The following CORIN variants were observed in gnomAD, a reference collection of about 807,000 sequenced individuals.
CORIN encodes the protein atrial natriuretic peptide-converting enzyme.
A neutral mutation model predicts 125.3 loss-of-function variants in CORIN; 117 were observed. The ratio of observed to expected loss-of-function variants is 0.93; its 90% CI spans 0.80 to 1.09. The LOEUF (loss-of-function observed/expected upper bound fraction) is 1.09, where lower values mean the gene tolerates loss of function less well. Among genes scored for constraint, CORIN ranks in the 50% least tolerant of loss-of-function variants. The pLI is 0.00. For missense variants in CORIN, 1,253 were observed against 1,306.7 expected, an observed-to-expected ratio of 0.96 and a Z score of 0.63; for synonymous variants, 450 against 466.4, an observed-to-expected ratio of 0.96 and a Z score of 0.45.
At chr4:47,763,024 C>T (rs940054288) in intron 4 of CORIN, among the ~76,000 whole-genome samples, 2 of 152,078 alleles carry the variant, frequency 1.3e-5, no homozygotes, top group African/African-American at 2.4e-5. Flanking sequence ...CCTGGTGCCT[C>T]CCATCACTTA....
chr4:47,659,620 C>T (rs543438465), intron 12 of CORIN, among the ~76,000 whole-genome samples: 40 of 152,202 alleles, frequency 2.6e-4, no homozygotes, highest in African/African-American at 8.9e-4. Flanking sequence ...GTCATGTGAA[C>T]GCAGAGCAAG....
intron 3 of CORIN, among the ~76,000 whole-genome samples, chr4:47,765,941 T>C (rs1729712312): frequency 6.6e-6 from 1 of 152,178 alleles, no homozygotes; most frequent in African/African-American, 2.4e-5. Flanking sequence ...AGTTTTGTGG[T>C]TTTGAAATCA....
intron 5 of CORIN, among the ~76,000 whole-genome samples, chr4:47,698,795 T>C (rs1169695132): frequency 6.6e-6 from 1 of 152,164 alleles, no homozygotes; most frequent in South Asian, 2.1e-4. Flanking sequence ...ATGGACTACA[T>C]ATACAACAGT....
intron 19 of CORIN, among the ~76,000 whole-genome samples, chr4:47,613,257 A>G (rs1721938448): frequency 6.6e-6 from 1 of 152,208 alleles, no homozygotes; most frequent in Admixed American, 6.5e-5. Context: ...GTACGAGACC[A>G]GACTGGCCAA....
Position 47,680,143 on chromosome 4 carries a change from C to G in CORIN, c.1130G>C (p.Cys377Ser). ...DCVDKSDEVNCSCHSQGLVEC... is the reference protein window; with the variant it reads ...DCVDKSDEVNSSCHSQGLVEC... ...ACAAACGTCCTCAGAGCACTCACAG[C>G]AGTTGACCTCGTCAGACTTATCCAC... The change falls in exon 8 of 22, where the codon TGC becomes TCC. Residue 377 changes from cysteine to serine, a missense_variant and splice_region_variant. Coordinates refer to ENST00000273857, the MANE Select transcript of CORIN (RefSeq NM_006587.4). The G allele has an allele frequency of 6.2e-7, 1 of 1,604,042 alleles. No individual in the cohort carries two copies. The highest frequency in any genetic ancestry group is 1.1e-5 in the South Asian group (1 of 90,894).
chr4:47,803,447 T>A (rs935954530), intron 2 of CORIN, among the ~76,000 whole-genome samples: 1 of 152,148 alleles, frequency 6.6e-6, no homozygotes, highest in Non-Finnish European at 1.5e-5. Flanking sequence ...ATTACCTGAC[T>A]TCAAATAATA....
chr4:47,805,725 A>G (rs1045400187), intron 2 of CORIN, among the ~76,000 whole-genome samples: 1 of 152,234 alleles, frequency 6.6e-6, no homozygotes, highest in Non-Finnish European at 1.5e-5. Context: ...AAAAAGCCTA[A>G]TATCTATTAA....
intron 5 of CORIN, among the ~76,000 whole-genome samples, chr4:47,728,309 A>C (rs1293513453): frequency 6.6e-6 from 1 of 152,202 alleles, no homozygotes; most frequent in Non-Finnish European, 1.5e-5. Flanking sequence ...GATTAAGCTT[A>C]AAGAATAATG....
intron 10 of CORIN, among the ~76,000 whole-genome samples, chr4:47,666,327 T>C (rs1393405956): frequency 6.6e-6 from 1 of 152,192 alleles, no homozygotes; most frequent in African/African-American, 2.4e-5. Flanking sequence ...ACTTTATCTC[T>C]TGATCTTGAA....
intron 3 of CORIN, among the ~76,000 whole-genome samples, chr4:47,773,282 T>C (rs1189252605): frequency 6.6e-6 from 1 of 152,222 alleles, no homozygotes; most frequent in Non-Finnish European, 1.5e-5. Context: ...AGGAAAGGAT[T>C]TATTGTAAAA....
intron 20 of CORIN, among the ~76,000 whole-genome samples, chr4:47,602,717 G>C (rs1333006590): frequency 2.6e-5 from 4 of 152,134 alleles, no homozygotes; most frequent in Non-Finnish European, 5.9e-5. Context: ...GGATTTTTGA[G>C]ATTGCATCTG....
intron 2 of CORIN, among the ~76,000 whole-genome samples, chr4:47,800,278 A>ATAAT (rs933274734): frequency 6.6e-6 from 1 of 151,826 alleles, no homozygotes; most frequent in Non-Finnish European, 1.5e-5. Flanking sequence ...TAATTAACTA[A>ATAAT]TAATTAATTA....
intron 5 of CORIN, among the ~76,000 whole-genome samples, chr4:47,704,217 CAG>C (rs879061586): frequency 1.3e-4 from 20 of 151,876 alleles, no homozygotes; most frequent in African/African-American, 4.6e-4. Flanking sequence ...CTAAACCTAA[CAG>C]GGGAAAAAAA....
At chr4:47,813,130 G>A (rs1310949785) in intron 1 of CORIN, among the ~76,000 whole-genome samples, 2 of 152,140 alleles carry the variant, frequency 1.3e-5, no homozygotes, top group Non-Finnish European at 2.9e-5. Context: ...CAGCTTTGTG[G>A]AGACAGGACA....
intron 6 of CORIN, among the ~76,000 whole-genome samples, chr4:47,688,919 T>C (rs1725645658): frequency 6.6e-6 from 1 of 152,250 alleles, no homozygotes; most frequent in South Asian, 2.1e-4. Context: ...TACATCTTAG[T>C]AGAAAGATTA....
At chr4:47,614,751 C>G (rs1211584985) in intron 19 of CORIN, among the ~76,000 whole-genome samples, 14 of 152,064 alleles carry the variant, frequency 9.2e-5, no homozygotes, top group Non-Finnish European at 1.9e-4. Flanking sequence ...CAAGAAGAGG[C>G]TGACTTGTCA....
intron 7 of CORIN, chr4:47,681,208 A>G (rs2109714333): frequency 6.6e-6 from 1 of 152,332 alleles, no homozygotes; most frequent in East Asian, 1.9e-4. Flanking sequence ...AGACTTCCGG[A>G]GTGACCATGG....
chr4:47,620,484 C>T (rs1269965170), intron 19 of CORIN, among the ~76,000 whole-genome samples: 2 of 152,114 alleles, frequency 1.3e-5, no homozygotes, highest in Non-Finnish European at 2.9e-5. Context: ...AGTGTTATTC[C>T]AAATTGTAAA....
chr4:47,661,458 C>A (rs1724245250), intron 12 of CORIN: 1 of 418,896 alleles, frequency 2.4e-6, no homozygotes, highest in East Asian at 4.1e-5. Context: ...CATATATACA[C>A]CTATGTACCC....
Sources: gnomAD v4.1 joint callset for allele counts (sites outside exome capture counted in the v4.1 genomes callset) on GRCh38, gnomAD v4.1.1 for gene constraint, MANE v1.5 for transcripts, NCBI Gene and HGNC (gene_info 2026-07-23, HGNC 2026-07-21) for gene names.